CSMD1: variants seen among roughly 807,000 people sequenced by gnomAD.
CSMD1 encodes the protein CUB and Sushi multiple domains 1, also known as CUB and sushi domain-containing protein 1.
A neutral mutation model predicts 417.5 loss-of-function variants in CSMD1; 213 were observed. The observed-to-expected ratio is 0.51, with a 90% CI of 0.46 to 0.57. CSMD1 has a LOEUF of 0.57. Ranked by LOEUF, CSMD1 falls within the 20% of genes least tolerant of loss-of-function variation. CSMD1 has a pLI of 0.00. For missense variants in CSMD1, 6,923 were observed against 4,529.7 expected (o/e 1.53, Z -15.17); for synonymous variants, 2,862 against 1,736.8 (o/e 1.65, Z -16.11).
intron 3 of CSMD1, among the ~76,000 whole-genome samples, chr8:4,063,095 G>C (rs868799741): frequency 6.6e-6 from 1 of 152,100 alleles, no homozygotes; most frequent in Non-Finnish European, 1.5e-5. Flanking sequence ...ATGTTTGATA[G>C]CACTGTAAGT....
intron 7 of CSMD1, among the ~76,000 whole-genome samples, chr8:3,674,361 T>C (rs1191180287): frequency 1.3e-5 from 2 of 152,142 alleles, no homozygotes; most frequent in South Asian, 2.1e-4. Flanking sequence ...TAACAAATTA[T>C]CATCACGAGC....
chr8:3,680,240 A>G (rs1259918983), intron 7 of CSMD1, among the ~76,000 whole-genome samples: 1 of 152,188 alleles, frequency 6.6e-6, no homozygotes, highest in Non-Finnish European at 1.5e-5. Context: ...AAATCGATGA[A>G]TCCAGGAGCT....
At chr8:3,956,249 A>C (rs980861688) in intron 5 of CSMD1, among the ~76,000 whole-genome samples, 1 of 152,230 alleles carries the variant, frequency 6.6e-6, no homozygotes, top group Non-Finnish European at 1.5e-5. Flanking sequence ...ACTTTTTCAC[A>C]AATTAATACA....
intron 1 of CSMD1, among the ~76,000 whole-genome samples, chr8:4,914,796 A>C (rs991543589): frequency 2.6e-5 from 4 of 152,156 alleles, no homozygotes; most frequent in Non-Finnish European, 5.9e-5. Flanking sequence ...TGTAACCACA[A>C]TGTAAGACAA....
At chr8:3,926,950 G>A (rs567270787) in intron 5 of CSMD1, among the ~76,000 whole-genome samples, 8 of 151,754 alleles carry the variant, frequency 5.3e-5, no homozygotes, top group Admixed American at 1.3e-4. Context: ...TCCTGACATC[G>A]TGATCCACCC....
At chr8:3,722,518 G>C (rs1482572556) in intron 6 of CSMD1, among the ~76,000 whole-genome samples, 2 of 152,098 alleles carry the variant, frequency 1.3e-5, no homozygotes, top group East Asian at 3.9e-4. Context: ...TCTTACCTTT[G>C]AGTTTTTCTC....
At chr8:3,278,702 C>T (rs915009518) in intron 26 of CSMD1, 2 of 151,860 alleles carry the variant, frequency 1.3e-5, no homozygotes, top group Non-Finnish European at 2.9e-5. Flanking sequence ...TGAGAGATTT[C>T]CATCTTCCCA....
intron 2 of CSMD1, among the ~76,000 whole-genome samples, chr8:4,438,813 C>A (rs1182429602): frequency 7.9e-5 from 12 of 152,180 alleles, no homozygotes; most frequent in Admixed American, 7.9e-4. Flanking sequence ...GCTTATTATT[C>A]AAGATCTAAT....
intron 12 of CSMD1, among the ~76,000 whole-genome samples, chr8:3,425,194 T>A (rs1002032932): frequency 1.3e-5 from 2 of 152,190 alleles, no homozygotes; most frequent in East Asian, 1.9e-4. Flanking sequence ...CAGGAGTATG[T>A]ACGCATAGAG....
intron 64 of CSMD1, among the ~76,000 whole-genome samples, chr8:2,954,804 A>G (rs964459369): frequency 1.3e-5 from 2 of 152,258 alleles, no homozygotes; most frequent in African/African-American, 4.8e-5. Flanking sequence ...TACCATTTTA[A>G]AAGTTTTCAT....
chr8:3,797,205 G>T (rs75464962), intron 5 of CSMD1, among the ~76,000 whole-genome samples: 1,640 of 151,940 alleles, frequency 0.011, 20 homozygotes, highest in Admixed American at 0.02. Flanking sequence ...ACTTCAATCT[G>T]AAATATCAAA....
intron 1 of CSMD1, among the ~76,000 whole-genome samples, chr8:4,855,556 A>G (rs6558926): frequency 0.41 from 61,740 of 151,376 alleles, 12,687 homozygotes; most frequent in Non-Finnish European, 0.45. Context: ...AACCAATACC[A>G]AGAACTGCTT....
At chr8:4,810,915 C>G (rs773423106) in intron 1 of CSMD1, among the ~76,000 whole-genome samples, 2 of 152,106 alleles carry the variant, frequency 1.3e-5, no homozygotes, top group Non-Finnish European at 2.9e-5. Context: ...ACTGCTACCT[C>G]TCCTGAAATA....
At chr8:4,326,709 T>C (rs986167860) in intron 3 of CSMD1, among the ~76,000 whole-genome samples, 30 of 152,166 alleles carry the variant, frequency 2.0e-4, no homozygotes, top group African/African-American at 6.5e-4. Flanking sequence ...ACATTCCGTT[T>C]GGGTAACACC....
intron 3 of CSMD1, among the ~76,000 whole-genome samples, chr8:4,409,082 G>T (rs1796501647): frequency 6.6e-6 from 1 of 152,152 alleles, no homozygotes; most frequent in African/African-American, 2.4e-5. Context: ...ATAGCAGACT[G>T]TGAAGCCTTT....
chr8:4,191,162 C>T (rs763731013), intron 3 of CSMD1, among the ~76,000 whole-genome samples: 18 of 152,112 alleles, frequency 1.2e-4, no homozygotes, highest in Middle Eastern at 6.8e-3. Flanking sequence ...TTTGGGAGGC[C>T]GAGGCAGGTG....
chr8:3,142,428 T>G (rs752802421), intron 41 of CSMD1, 37 bp downstream of exon 41: 1 of 1,508,370 alleles, frequency 6.6e-7, no homozygotes, highest in South Asian at 1.2e-5. Flanking sequence ...AGAAGTGTAT[T>G]TAGATTTGGG....
chr8:4,893,909 A>G (rs1804297891), intron 1 of CSMD1, among the ~76,000 whole-genome samples: 1 of 152,044 alleles, frequency 6.6e-6, no homozygotes, highest in Non-Finnish European at 1.5e-5. Flanking sequence ...GGGGCGGGGC[A>G]ATGTCTTTTT....
At chr8:4,937,311 A>G (rs1213147433) in intron 1 of CSMD1, among the ~76,000 whole-genome samples, 1 of 152,188 alleles carries the variant, frequency 6.6e-6, no homozygotes, top group Admixed American at 6.6e-5. Flanking sequence ...CATGGACTCT[A>G]CAAGTTACTT....
Sources: allele counts gnomAD v4.1 joint callset (sites outside exome capture counted in the v4.1 genomes callset), GRCh38; gene constraint gnomAD v4.1.1; transcripts MANE v1.5; gene names NCBI Gene and HGNC (gene_info 2026-07-23, HGNC 2026-07-21).